Variants in KCTD16 observed in about 807,000 individuals in gnomAD.
KCTD16 encodes potassium channel tetramerization domain containing 16.
Under a neutral mutation model 33.2 loss-of-function variants are expected in KCTD16, and 13 were observed. That is an observed-to-expected ratio of 0.39 (90% CI 0.25 to 0.62). The LOEUF (loss-of-function observed/expected upper bound fraction) is 0.62, where lower values mean the gene tolerates loss of function less well. Among genes scored for constraint, KCTD16 ranks in the 20% least tolerant of loss-of-function variants. The pLI, the probability that KCTD16 is intolerant of heterozygous loss-of-function variation, is 0.50. For missense variants in KCTD16, 441 were observed against 525.1 expected (o/e 0.84, Z 1.57); for synonymous variants, 197 against 195.3 (o/e 1.01, Z -0.07).
chr5:144,378,741 G>T (rs1210183306), intron 3 of KCTD16, among the ~76,000 whole-genome samples: 2 of 152,182 alleles, frequency 1.3e-5, no homozygotes, highest in Non-Finnish European at 2.9e-5. Flanking sequence ...CAAGGCAACA[G>T]AATAGACTTG....
At chr5:144,472,996 A>G (rs1022238907) in intron 3 of KCTD16, among the ~76,000 whole-genome samples, 1 of 152,206 alleles carries the variant, frequency 6.6e-6, no homozygotes, top group Admixed American at 6.5e-5. Context: ...AAGTTTCTCA[A>G]ACTCTTAGGG....
At chr5:144,217,549 T>C (rs28409321) in intron 3 of KCTD16, among the ~76,000 whole-genome samples, 12,782 of 152,172 alleles carry the variant, frequency 0.084, 1,646 homozygotes, top group African/African-American at 0.28. Context: ...TTTAGGTCAA[T>C]TTTGGATGTT....
At chr5:144,327,113 G>C (rs1157327687) in intron 3 of KCTD16, among the ~76,000 whole-genome samples, 1 of 152,166 alleles carries the variant, frequency 6.6e-6, no homozygotes, top group African/African-American at 2.4e-5. Context: ...CAACGGTGAA[G>C]ATTTTGCCTC....
At position 144,484,701 on chromosome 5, in the gene KCTD16, C is replaced by A. The variant is rs1754768360; in HGVS notation, c.*10587C>A. 1 of 151,940 alleles carries A rather than the reference C, an allele frequency of 6.6e-6. No homozygotes were observed. The highest frequency in any genetic ancestry group is 2.4e-5 in the African/African-American group (1 of 41,410). 9.4% of individuals were successfully genotyped at this position (151,940 alleles called of 1,614,324 possible). On this transcript the variant is annotated 3_prime_UTR_variant, in exon 4 of 4. Coordinates refer to ENST00000512467, the MANE Select transcript of KCTD16 (RefSeq NM_020768.4). ...TGCTGGTACTAATGCTGAGTGGTGA[C>A]TTATTGGGGCCTTGCTCATGTTACT...
intron 3 of KCTD16, among the ~76,000 whole-genome samples, chr5:144,415,734 T>C (rs1270125784): frequency 6.6e-6 from 1 of 152,202 alleles, no homozygotes; most frequent in Non-Finnish European, 1.5e-5. Flanking sequence ...CTTGAAAACA[T>C]ATGTTTGAAG....
chr5:144,418,143 G>A (rs1001761856), intron 3 of KCTD16, among the ~76,000 whole-genome samples: 5 of 152,162 alleles, frequency 3.3e-5, no homozygotes, highest in Admixed American at 6.5e-5. Context: ...ACTGGCTTCA[G>A]GAGTGAAGCT....
chr5:144,219,628 C>G (rs1190856625), intron 3 of KCTD16, among the ~76,000 whole-genome samples: 6 of 145,282 alleles, frequency 4.1e-5, no homozygotes, highest in South Asian at 4.4e-4. Context: ...TCAAGTGATT[C>G]TTCTGCCTCA....
At chr5:144,434,182 C>T (rs924295157) in intron 3 of KCTD16, among the ~76,000 whole-genome samples, 2 of 151,950 alleles carry the variant, frequency 1.3e-5, no homozygotes, top group African/African-American at 2.4e-5. Context: ...CTTTATTGTT[C>T]GGACATAATT....
intron 2 of KCTD16, among the ~76,000 whole-genome samples, chr5:144,194,589 T>TA (rs1286441977): frequency 6.6e-6 from 1 of 152,238 alleles, no homozygotes; most frequent in African/African-American, 2.4e-5. Context: ...TAGCAAATGA[T>TA]ACATTTGTTG....
intron 3 of KCTD16, among the ~76,000 whole-genome samples, chr5:144,292,015 G>T (rs1755907638): frequency 6.6e-6 from 1 of 152,150 alleles, no homozygotes; most frequent in Non-Finnish European, 1.5e-5. Context: ...TTTCTATACA[G>T]ATTTTTAAAC....
chr5:144,333,524 C>T (rs72800589), intron 3 of KCTD16, among the ~76,000 whole-genome samples: 3,329 of 152,116 alleles, frequency 0.022, 73 homozygotes, highest in Non-Finnish European at 0.036. Context: ...TGACTGGGCT[C>T]ACTCAGTTCA....
intron 2 of KCTD16, among the ~76,000 whole-genome samples, chr5:144,189,544 T>C (rs1752800174): frequency 6.6e-6 from 1 of 151,434 alleles, no homozygotes; most frequent in African/African-American, 2.4e-5. Context: ...AGCAGGTACA[T>C]AGAGTTTTGC....
chr5:144,434,856 TCA>T (rs1753540898), intron 3 of KCTD16, among the ~76,000 whole-genome samples: 1 of 152,138 alleles, frequency 6.6e-6, no homozygotes, highest in Non-Finnish European at 1.5e-5. Flanking sequence ...AGCCAAGGAA[TCA>T]CTGGTCTTAA....
intron 3 of KCTD16, among the ~76,000 whole-genome samples, chr5:144,463,425 G>C (rs538323431): frequency 9.2e-5 from 14 of 151,922 alleles, no homozygotes; most frequent in African/African-American, 3.1e-4. Context: ...TTATTATTCA[G>C]TGGACATTGA....
chr5:144,309,875 G>A (rs1751713564), intron 3 of KCTD16, among the ~76,000 whole-genome samples: 2 of 151,938 alleles, frequency 1.3e-5, no homozygotes, highest in Admixed American at 6.6e-5. Context: ...GGTGGGTGGG[G>A]GGACGGCAGC....
At chr5:144,268,397 C>T (rs2126844649) in intron 3 of KCTD16, among the ~76,000 whole-genome samples, 1 of 152,230 alleles carries the variant, frequency 6.6e-6, no homozygotes, top group South Asian at 2.1e-4. Context: ...TTTTTCTACC[C>T]CCTTTTTGTC....
chr5:144,460,932 T>A (rs1388778959), intron 3 of KCTD16, among the ~76,000 whole-genome samples: 1 of 152,192 alleles, frequency 6.6e-6, no homozygotes, highest in African/African-American at 2.4e-5. Flanking sequence ...CCATGATTTC[T>A]CTTCTTCTGT....
At chr5:144,353,630 T>C (rs1394673346) in intron 3 of KCTD16, among the ~76,000 whole-genome samples, 1 of 152,202 alleles carries the variant, frequency 6.6e-6, no homozygotes, top group Non-Finnish European at 1.5e-5. Flanking sequence ...TGTATTCCTG[T>C]CCATGTGAAG....
At chr5:144,279,989 G>C (rs778382617) in intron 3 of KCTD16, among the ~76,000 whole-genome samples, 3 of 152,070 alleles carry the variant, frequency 2.0e-5, no homozygotes, top group Non-Finnish European at 4.4e-5. Flanking sequence ...TCAAATAATG[G>C]ATCTGCCCTG....
Sources: allele counts gnomAD v4.1 joint callset (sites outside exome capture counted in the v4.1 genomes callset), GRCh38; gene constraint gnomAD v4.1.1; transcripts MANE v1.5; gene names NCBI Gene and HGNC (gene_info 2026-07-23, HGNC 2026-07-21).